Variants in FNDC3A observed in about 807,000 individuals in gnomAD.
FNDC3A encodes the protein fibronectin type III domain containing 3A.
In FNDC3A, 32 loss-of-function variants were observed where a neutral mutation model predicts 148.9. The ratio of observed to expected loss-of-function variants is 0.21; its 90% CI spans 0.16 to 0.29. The LOEUF (loss-of-function observed/expected upper bound fraction) is 0.29. Ranked by LOEUF, FNDC3A falls within the 10% of genes least tolerant of loss-of-function variation. The pLI is 1.00. For synonymous variants in FNDC3A, 472 were observed against 473.6 expected, an observed-to-expected ratio of 1.00 and a Z score of 0.04; for missense variants, 1,191 against 1,452.8, an observed-to-expected ratio of 0.82 and a Z score of 2.93.
chr13:49,143,857 G>A (rs907299568), intron 7 of FNDC3A, among the ~76,000 whole-genome samples: 5 of 151,904 alleles, frequency 3.3e-5, no homozygotes, highest in African/African-American at 1.2e-4. Context: ...CATAAAGTAG[G>A]TGCCAGGCTG....
intron 3 of FNDC3A, among the ~76,000 whole-genome samples, chr13:49,099,531 G>A (rs1879734280): frequency 2.0e-5 from 3 of 151,898 alleles, no homozygotes; most frequent in Admixed American, 2.0e-4. Flanking sequence ...ATAAATATGA[G>A]GAAATTAAAT....
chr13:49,192,609 A>G (rs1417049640), intron 19 of FNDC3A, among the ~76,000 whole-genome samples: 1 of 152,110 alleles, frequency 6.6e-6, no homozygotes, highest in Admixed American at 6.5e-5. Flanking sequence ...AATTTCTTAT[A>G]TGTCAAATTT....
At chr13:48,989,595 A>C (rs1368614834) in intron 1 of FNDC3A, among the ~76,000 whole-genome samples, 1 of 152,238 alleles carries the variant, frequency 6.6e-6, no homozygotes, top group African/African-American at 2.4e-5. Context: ...GAAGCACAGA[A>C]GAAAATAGAA....
intron 3 of FNDC3A, among the ~76,000 whole-genome samples, chr13:49,107,379 A>G (rs1362959509): frequency 6.6e-6 from 1 of 152,158 alleles, no homozygotes; most frequent in Non-Finnish European, 1.5e-5. Context: ...TCAGTGAGAG[A>G]TGGATGATAT....
intron 20 of FNDC3A, among the ~76,000 whole-genome samples, chr13:49,197,306 T>G (rs1028335842): frequency 3.3e-5 from 5 of 152,256 alleles, no homozygotes; most frequent in Non-Finnish European, 5.9e-5. Flanking sequence ...TAAATTCTAT[T>G]TCTCTTATAT....
chr13:49,015,907 A>T (rs1430261970), intron 2 of FNDC3A, among the ~76,000 whole-genome samples: 2 of 151,424 alleles, frequency 1.3e-5, no homozygotes, highest in African/African-American at 2.4e-5. Context: ...GATTACATTT[A>T]TTGATTTGCG....
intron 1 of FNDC3A, among the ~76,000 whole-genome samples, chr13:48,981,285 ACTTATTAC>A (rs1404229276): frequency 6.6e-6 from 1 of 152,068 alleles, no homozygotes; most frequent in Non-Finnish European, 1.5e-5. Context: ...TAACTTCACC[ACTTATTAC>A]CTATATGATT....
At chr13:49,030,941 T>G (rs1247684251) in intron 2 of FNDC3A, among the ~76,000 whole-genome samples, 4 of 152,172 alleles carry the variant, frequency 2.6e-5, no homozygotes, top group African/African-American at 9.7e-5. Context: ...ATTATACATA[T>G]CCAATACGTT....
At chr13:49,003,933 T>A (rs561462458) in intron 1 of FNDC3A, among the ~76,000 whole-genome samples, 2 of 152,330 alleles carry the variant, frequency 1.3e-5, no homozygotes, top group East Asian at 3.9e-4. Flanking sequence ...AGTGATATGC[T>A]GGAGCTGTCT....
intron 25 of FNDC3A, 70 bp from the exon 26 acceptor site, chr13:49,207,011 C>T (rs1044382384): frequency 9.4e-5 from 103 of 1,100,528 alleles, no homozygotes; most frequent in Non-Finnish European, 1.3e-4. Flanking sequence ...AATTCTAACA[C>T]TAGCCAGTTT....
chr13:49,056,087 GAGGTGGGC>G (rs1876217986), intron 2 of FNDC3A, among the ~76,000 whole-genome samples: 1 of 151,996 alleles, frequency 6.6e-6, no homozygotes, highest in Non-Finnish European at 1.5e-5. Flanking sequence ...CTCAGAGGCT[GAGGTGGGC>G]AGGTTGCTTT....
intron 3 of FNDC3A, among the ~76,000 whole-genome samples, chr13:49,085,423 GGA>G (rs58185669): frequency 0.015 from 2,323 of 152,188 alleles, 57 homozygotes; most frequent in African/African-American, 0.052. Flanking sequence ...TTGTTGGGGA[GGA>G]GAGAGGAATG....
intron 2 of FNDC3A, among the ~76,000 whole-genome samples, chr13:49,009,354 C>A (rs1376846698): frequency 6.6e-6 from 1 of 152,080 alleles, no homozygotes; most frequent in Non-Finnish European, 1.5e-5. Context: ...TTTGTTTATT[C>A]ATTCATCTGT....
chr13:49,158,350 A>T (rs978231530), intron 8 of FNDC3A, among the ~76,000 whole-genome samples: 7 of 152,202 alleles, frequency 4.6e-5, no homozygotes, highest in Admixed American at 2.6e-4. Context: ...GCGCTTCCCA[A>T]GTGAGGCAAT....
intron 16 of FNDC3A, 153 bp downstream of exon 16, chr13:49,187,343 A>ATTT: frequency 3.0e-6 from 2 of 668,672 alleles, no homozygotes; most frequent in Admixed American, 3.3e-5. Context: ...GTTGTCCTGG[A>ATTT]TTTTTTTTTT....
chr13:48,978,131 A>G (rs1322253895), intron 1 of FNDC3A, among the ~76,000 whole-genome samples: 2 of 152,054 alleles, frequency 1.3e-5, no homozygotes, highest in Non-Finnish European at 2.9e-5. Context: ...CACTTCCTCT[A>G]TCTGTGTGAG....
At chr13:48,991,318 C>A (rs935036432) in intron 1 of FNDC3A, among the ~76,000 whole-genome samples, 1 of 151,634 alleles carries the variant, frequency 6.6e-6, no homozygotes, top group Admixed American at 6.6e-5. Context: ...AGAATTCTTA[C>A]CAGAGATAAA....
chr13:49,202,446 A>G (rs1408088102), intron 24 of FNDC3A, among the ~76,000 whole-genome samples: 1 of 152,210 alleles, frequency 6.6e-6, no homozygotes. Flanking sequence ...ATATACATTT[A>G]TCTTTTAATT....
intron 2 of FNDC3A, among the ~76,000 whole-genome samples, chr13:49,061,188 C>T (rs1041161739): frequency 2.0e-5 from 3 of 151,792 alleles, no homozygotes; most frequent in South Asian, 2.1e-4. Context: ...TAACTCACTG[C>T]AGCCTCAAAC....
Sources: allele counts gnomAD v4.1 joint callset (sites outside exome capture counted in the v4.1 genomes callset), GRCh38; gene constraint gnomAD v4.1.1; transcripts MANE v1.5; gene names NCBI Gene and HGNC (gene_info 2026-07-23, HGNC 2026-07-21).